The following FNIP2 variants were observed in gnomAD, a reference collection of about 807,000 sequenced individuals.
The protein encoded by FNIP2 is folliculin interacting protein 2, also known as folliculin-interacting protein 2.
FNIP2 carries 32 observed loss-of-function variants against 108.7 expected under a neutral mutation model. That is an observed-to-expected ratio of 0.29 (90% CI 0.22 to 0.40). The LOEUF (loss-of-function observed/expected upper bound fraction) is 0.40, where lower values mean the gene tolerates loss of function less well. Ranked by LOEUF, FNIP2 falls within the 10% of genes least tolerant of loss-of-function variation. The pLI is 1.00. For missense variants in FNIP2, 1,202 were observed against 1,381.6 expected (o/e 0.87, Z 2.06); for synonymous variants, 480 against 496.7 (o/e 0.97, Z 0.45).
intron 1 of FNIP2, among the ~76,000 whole-genome samples, chr4:158,823,061 T>C (rs1777970636): frequency 6.6e-6 from 1 of 152,208 alleles, no homozygotes; most frequent in Non-Finnish European, 1.5e-5. Context: ...GATATTTGAA[T>C]ATGTGTTATT....
chr4:158,791,412 T>A (rs979472481), intron 1 of FNIP2, among the ~76,000 whole-genome samples: 18 of 151,398 alleles, frequency 1.2e-4, no homozygotes, highest in African/African-American at 4.4e-4. Flanking sequence ...GCCTCCTGAG[T>A]AGCTGGGATT....
At chr4:158,833,492 C>T (rs1405035401) in intron 5 of FNIP2, 36 bp from the exon 6 acceptor site, 1 of 1,363,100 alleles carries the variant, frequency 7.3e-7, no homozygotes, top group African/African-American at 1.5e-5. Context: ...ACGTTTTTGT[C>T]CTCTTTCTCC....
intron 14 of FNIP2, among the ~76,000 whole-genome samples, chr4:158,887,736 CAAAAA>C (rs10645281): frequency 3.3e-4 from 26 of 78,802 alleles, no homozygotes; most frequent in Admixed American, 2.7e-3. Context: ...GACTCTGTCT[CAAAAA>C]AAAAAAAAAA....
chr4:158,797,432 G>A (rs1484418255), intron 1 of FNIP2, among the ~76,000 whole-genome samples: 3 of 152,220 alleles, frequency 2.0e-5, no homozygotes, highest in Non-Finnish European at 4.4e-5. Context: ...GGGCATGGTG[G>A]CTCACACCTA....
chr4:158,791,470 G>T (rs1047850689), intron 1 of FNIP2, among the ~76,000 whole-genome samples: 9 of 151,690 alleles, frequency 5.9e-5, no homozygotes, highest in African/African-American at 2.2e-4. Flanking sequence ...ATTTTTAGTA[G>T]GGGGTTTCTC....
chr4:158,846,041 C>G (rs759544881), intron 7 of FNIP2, among the ~76,000 whole-genome samples: 45 of 152,112 alleles, frequency 3.0e-4, no homozygotes, highest in Non-Finnish European at 5.3e-4. Flanking sequence ...TCTAGTACAC[C>G]AAGTTGTCTT....
rs773897295 is a variant in FNIP2, at chr4:158,891,594, G to A, written c.3098G>A (p.Ser1033Asn). The A allele has an allele frequency of 1.2e-6, 2 of 1,612,976 alleles. No homozygotes were observed. Among genetic ancestry groups the A allele is most frequent in the Non-Finnish European group, 1.7e-6 (2 of 1,179,534 alleles). Residue 1033 changes from serine (S) to asparagine (N), a missense_variant, in exon 15 of 17, where the codon AGT (serine) becomes AAT (asparagine). Around this residue, in one of 5 missense-constraint regions of FNIP2, gnomAD observed 142 missense variants for 183.8 expected, o/e 0.77. Transcript: ENST00000264433. ...GTCCTGGTCTCTAGTCAGGTGTCCA[G>A]TTTGCTTCAGTCCATTTTACAGCTC... ...QDVLVSSQVS[S>N]LLQSILQLYK... is the part of the protein sequence containing the mutation.
At chr4:158,856,873 T>A (rs1441731738) in intron 8 of FNIP2, among the ~76,000 whole-genome samples, 1 of 152,164 alleles carries the variant, frequency 6.6e-6, no homozygotes, top group Non-Finnish European at 1.5e-5. Flanking sequence ...TAAACATCAT[T>A]TTTTGTAGAA....
chr4:158,881,779 G>A (rs1781652592), intron 14 of FNIP2, among the ~76,000 whole-genome samples: 1 of 152,224 alleles, frequency 6.6e-6, no homozygotes, highest in African/African-American at 2.4e-5. Context: ...CTGGAGTGCA[G>A]TGGCGTGATC....
At chr4:158,787,923 A>G (rs769969423) in intron 1 of FNIP2, among the ~76,000 whole-genome samples, 1 of 152,032 alleles carries the variant, frequency 6.6e-6, no homozygotes, top group Non-Finnish European at 1.5e-5. Context: ...CTTTATGAAG[A>G]TTTCTTTGTT....
intron 8 of FNIP2, among the ~76,000 whole-genome samples, chr4:158,858,407 G>A (rs1041232018): frequency 6.6e-6 from 1 of 152,198 alleles, no homozygotes; most frequent in Admixed American, 6.5e-5. Context: ...TACCCCACAA[G>A]ACAAATTAAA....
intron 14 of FNIP2, among the ~76,000 whole-genome samples, chr4:158,885,742 G>A (rs2126759773): frequency 6.6e-6 from 1 of 152,318 alleles, no homozygotes. Flanking sequence ...CCATTTTACA[G>A]ACATAGCAAC....
In FNIP2 at chr4:158,906,335, G is replaced by A. The variant is rs141713525; in HGVS notation, c.*1791G>A. On this transcript the variant is annotated 3_prime_UTR_variant, in exon 17 of 17. Transcript: ENST00000264433. ...TTTTACAGTTTAAAGCATTCCCCTC[G>A]TCTCTAGTTCCTTTTTTCTTGTTTA... 2.6e-5 allele frequency: 4 copies of A among 152,158 alleles called. No individual in the cohort carries two copies. Among genetic ancestry groups the A allele is most frequent in the Admixed American group, 6.5e-5 (1 of 15,284 alleles). The allele number at this position is 152,158 out of a possible 1,614,324, so 9.4% of individuals were successfully genotyped here.
At position 158,895,854 on chromosome 4, in the gene FNIP2, TGTC is replaced by T. The variant is rs1297298100; in HGVS notation, c.3258_3260del (p.Val1087del). ...CACGAGTCCATGTGAAAGAATTAGG[TGTC>T]GTACTGGGGTGAGTTCTGTGAAGTG... is the stretch of plus-strand genomic sequence containing the variant. On this transcript the variant is annotated inframe_deletion, in exon 16 of 17. Transcript: ENST00000264433. 1.2e-6 allele frequency: 2 copies of T among 1,611,764 alleles called. No individual in the cohort carries two copies. The highest frequency in any genetic ancestry group is 2.7e-5 in the African/African-American group (2 of 74,866).
chr4:158,815,407 G>T (rs1304864410), intron 1 of FNIP2, among the ~76,000 whole-genome samples: 5 of 148,398 alleles, frequency 3.4e-5, no homozygotes, highest in African/African-American at 1.2e-4. Flanking sequence ...TTTTGAGACG[G>T]AGTCTTGCTC....
At chr4:158,791,772 G>A (rs1776427115) in intron 1 of FNIP2, among the ~76,000 whole-genome samples, 1 of 152,134 alleles carries the variant, frequency 6.6e-6, no homozygotes, top group African/African-American at 2.4e-5. Flanking sequence ...TTTCCTGTGT[G>A]TTCTCTACAT....
At chr4:158,850,069 A>C (rs1417531749) in intron 7 of FNIP2, among the ~76,000 whole-genome samples, 1 of 152,234 alleles carries the variant, frequency 6.6e-6, no homozygotes, top group Non-Finnish European at 1.5e-5. Flanking sequence ...ATTAGTTGAT[A>C]GCAAAGTAAC....
intron 7 of FNIP2, 55 bp downstream of exon 7, chr4:158,835,531 G>A (rs1173056839): frequency 2.0e-6 from 3 of 1,522,576 alleles, no homozygotes; most frequent in South Asian, 1.1e-5. Context: ...CTACAGTGGT[G>A]TGGAAGGTGG....
chr4:158,894,451 C>CACTTTGTAGTGCATA (rs1782507255), intron 15 of FNIP2, among the ~76,000 whole-genome samples: 1 of 152,064 alleles, frequency 6.6e-6, no homozygotes, highest in East Asian at 1.9e-4. Context: ...GGATTACATG[C>CACTTTGTAGTGCATA]GTGAGCCACT....
Sources: gnomAD v4.1 joint callset for allele counts (sites outside exome capture counted in the v4.1 genomes callset) on GRCh38, gnomAD v4.1.1 for gene constraint, gnomAD v4.1.1 regional missense constraint, MANE v1.5 for transcripts, NCBI Gene and HGNC (gene_info 2026-07-23, HGNC 2026-07-21) for gene names.